Variants in ZC3H14 observed in about 807,000 individuals in gnomAD.
ZC3H14 encodes the protein zinc finger CCCH domain-containing protein 14.
Under a neutral mutation model 92.4 loss-of-function variants are expected in ZC3H14, and 31 were observed. That is an observed-to-expected ratio of 0.34 (90% CI 0.25 to 0.45). The LOEUF (loss-of-function observed/expected upper bound fraction) is 0.45, where lower values mean the gene tolerates loss of function less well. Among genes scored for constraint, ZC3H14 ranks in the 20% least tolerant of loss-of-function variants. ZC3H14 has a pLI of 1.00. For missense variants in ZC3H14, 781 were observed against 897.3 expected, an observed-to-expected ratio of 0.87 and a Z score of 1.66; for synonymous variants, 321 against 300.9, an observed-to-expected ratio of 1.07 and a Z score of -0.69.
Position 88,577,972 on chromosome 14 carries a change from T to C in ZC3H14, c.1124-13T>C. On this transcript the variant is annotated splice_polypyrimidine_tract_variant and intron_variant, in intron 8 of 16. Coordinates refer to ENST00000251038, the MANE Select transcript of ZC3H14 (RefSeq NM_024824.5). The stretch of plus-strand genomic sequence containing the variant: ...GCATTTGTATTTCTATCTTTTTTGC[T>C]TTTATGTGAAAGTTCCACAGAAACA... The C allele has an allele frequency of 6.2e-7, 1 of 1,614,122 alleles. No homozygotes were observed. Among genetic ancestry groups the C allele is most frequent in the Non-Finnish European group, 8.5e-7 (1 of 1,180,004 alleles).
rs1427908963 is a variant in ZC3H14, at chr14:88,627,171, C to T, written c.*15420C>T. The T allele has an allele frequency of 3.6e-6, 3 of 831,242 alleles. No homozygotes were observed. Among genetic ancestry groups the T allele is most frequent in the Non-Finnish European group, 5.8e-6 (3 of 518,526 alleles). The allele number at this position is 831,242 out of a possible 1,614,324, so 51.5% of individuals were successfully genotyped here. A position where few individuals can be genotyped will look rare whatever the true frequency, so the allele number is the denominator to read the frequency against. On this transcript the variant is annotated 3_prime_UTR_variant, in exon 17 of 17. Transcript: ENST00000251038. Reference sequence around the variant, plus strand: ...TTAGAAGAGAGGCCAATGGCCCCTGCTCTACTACCTAGCAATACATGATTT... The same window carrying T: ...TTAGAAGAGAGGCCAATGGCCCCTGTTCTACTACCTAGCAATACATGATTT...
At position 88,618,913 on chromosome 14, in the gene ZC3H14, A is replaced by T; in HGVS notation, c.*7162A>T. On this transcript the variant is annotated 3_prime_UTR_variant, in exon 17 of 17. Transcript: ENST00000251038. Reference sequence around the variant, plus strand: ...TTCTAGTTCTTAAAAGTAACGTGTGATAAGGCCTCAAATAGATTTACCTGT... The same window carrying T: ...TTCTAGTTCTTAAAAGTAACGTGTGTTAAGGCCTCAAATAGATTTACCTGT... The T allele has an allele frequency of 8.3e-7, 1 of 1,201,010 alleles. No individual in the cohort carries two copies. The highest frequency in any genetic ancestry group is 2.7e-5 in the Admixed American group (1 of 36,390). The allele number at this position is 1,201,010 out of a possible 1,614,324, so 74.4% of individuals were successfully genotyped here. A position where few individuals can be genotyped will look rare whatever the true frequency, so the allele number is the denominator to read the frequency against.
At chr14:88,578,825 C>T (rs1017733117) in intron 9 of ZC3H14, among the ~76,000 whole-genome samples, 11 of 116,296 alleles carry the variant, frequency 9.5e-5, no homozygotes, top group African/African-American at 3.2e-4. Context: ...TCAGCTTTCT[C>T]CCCCAATTCC....
chr14:88,565,435 C>A (rs2079437656), intron 2 of ZC3H14, among the ~76,000 whole-genome samples: 1 of 152,166 alleles, frequency 6.6e-6, no homozygotes, highest in African/African-American at 2.4e-5. Context: ...GCCACTGCAT[C>A]CGGCCAACTC....
chr14:88,609,883 C>A, intron 15 of ZC3H14, 80 bp downstream of exon 15: 1 of 1,454,376 alleles, frequency 6.9e-7, no homozygotes, highest in South Asian at 1.2e-5. Flanking sequence ...GTCAGAGTTA[C>A]TACATTGGTG....
chr14:88,605,890 T>C (rs2085323922), intron 12 of ZC3H14, among the ~76,000 whole-genome samples: 1 of 152,198 alleles, frequency 6.6e-6, no homozygotes, highest in Admixed American at 6.5e-5. Flanking sequence ...AAGGAAGACA[T>C]TATTTTCTCT....
chr14:88,605,295 G>A (rs2140095173), intron 12 of ZC3H14, among the ~76,000 whole-genome samples: 1 of 152,272 alleles, frequency 6.6e-6, no homozygotes, highest in Non-Finnish European at 1.5e-5. Context: ...CATTTTCTTT[G>A]GAACCGATTA....
intron 9 of ZC3H14, chr14:88,595,063 A>G (rs765907436): frequency 2.5e-6 from 4 of 1,613,362 alleles, no homozygotes; most frequent in Non-Finnish European, 3.4e-6. Flanking sequence ...ATCACAGTCA[A>G]GAACTACTGA....
At chr14:88,600,302 A>C (rs76330537) in intron 10 of ZC3H14, among the ~76,000 whole-genome samples, 2,269 of 152,318 alleles carry the variant, frequency 0.015, 53 homozygotes, top group African/African-American at 0.051. Flanking sequence ...ACAGCAGAGA[A>C]TCTTTTCATT....
chr14:88,609,372 T>C lies in ZC3H14; in HGVS notation c.1974T>C (p.Ser658=), dbSNP rs370138592. 10 of 1,614,040 alleles carry C rather than the reference T, an allele frequency of 6.2e-6. No homozygotes were observed. The highest frequency in any genetic ancestry group is 4.0e-5 in the African/African-American group (3 of 75,032). ...TKPDCPFTHV[S]RRIPVLSPKP... ...CAGATTGTCCCTTCACTCATGTGAG[T>C]AGAAGAATTCCAGTACTGTCTCCAA... The change falls in exon 14 of 17, where the codon AGT becomes AGC. Residue 658 remains serine (S), a synonymous_variant. Transcript: ENST00000251038.
At chr14:88,568,857 A>G (rs182929150) in intron 3 of ZC3H14, among the ~76,000 whole-genome samples, 1 of 152,284 alleles carries the variant, frequency 6.6e-6, no homozygotes, top group Admixed American at 6.5e-5. Context: ...TATGTCGGCT[A>G]TACTTAATAT....
At chr14:88,563,967 C>CTCTCTCTCAT (rs2079229949) in intron 2 of ZC3H14, among the ~76,000 whole-genome samples, 1 of 151,944 alleles carries the variant, frequency 6.6e-6, no homozygotes, top group Middle Eastern at 3.2e-3. Context: ...CCTATTCTCT[C>CTCTCTCTCAT]TCTCTCTCAT....
chr14:88,581,056 A>G (rs1359128548), intron 9 of ZC3H14, among the ~76,000 whole-genome samples: 1 of 152,248 alleles, frequency 6.6e-6, no homozygotes, highest in Non-Finnish European at 1.5e-5. Context: ...AACTTTTCTT[A>G]GGAAATCTAA....
chr14:88,570,456 G>A (rs532356279), intron 3 of ZC3H14, among the ~76,000 whole-genome samples: 1 of 152,192 alleles, frequency 6.6e-6, no homozygotes, highest in Non-Finnish European at 1.5e-5. Flanking sequence ...AAATGATATA[G>A]CATAGTTTGA....
At chr14:88,569,562 A>G (rs1239636805) in intron 3 of ZC3H14, among the ~76,000 whole-genome samples, 1 of 152,128 alleles carries the variant, frequency 6.6e-6, no homozygotes, top group Non-Finnish European at 1.5e-5. Flanking sequence ...GAGGATAATG[A>G]TGTAGCTGAG....
Position 88,568,021 on chromosome 14 carries a change from A to G in ZC3H14, c.80-18A>G. ...TTTTGAGGAAACAAAGTTTTGATCTACCTTTCCTTTTAAATAGATGAAGAA... is the reference window on the plus strand; with the variant it reads ...TTTTGAGGAAACAAAGTTTTGATCTGCCTTTCCTTTTAAATAGATGAAGAA... On this transcript the variant is annotated intron_variant, in intron 2 of 16. Transcript: ENST00000251038. 10 of 1,605,536 alleles carry G rather than the reference A, an allele frequency of 6.2e-6. No homozygotes were observed. Among genetic ancestry groups the G allele is most frequent in the Middle Eastern group, 1.7e-4 (1 of 6,048 alleles).
Position 88,627,568 on chromosome 14 carries a change from G to A in ZC3H14, c.*15817G>A. On this transcript the variant is annotated 3_prime_UTR_variant, in exon 17 of 17. Coordinates refer to ENST00000251038, the MANE Select transcript of ZC3H14 (RefSeq NM_024824.5). Reference sequence around the variant, plus strand: ...TGATTGTTTCAACCACCAACTTTAAGACAAATATTAAATACAGAATTCCTA... The same window carrying A: ...TGATTGTTTCAACCACCAACTTTAAAACAAATATTAAATACAGAATTCCTA... 1 of 1,419,400 alleles carries A rather than the reference G, an allele frequency of 7.0e-7. No individual in the cohort carries two copies. Among genetic ancestry groups the A allele is most frequent in the Admixed American group, 2.4e-5 (1 of 41,830 alleles). 87.9% of individuals were successfully genotyped at this position (1,419,400 alleles called of 1,614,324 possible). A position where few individuals can be genotyped will look rare whatever the true frequency, so the allele number is the denominator to read the frequency against.
rs373477618 is a variant in ZC3H14, at chr14:88,563,090, A to G, written c.-44A>G. ...AGGAGTCCGCGGCAGCCTCCGGGTAAGCCAAGCGCCGCGCAGTGCTGAGTT... is the reference window on the plus strand; with the variant it reads ...AGGAGTCCGCGGCAGCCTCCGGGTAGGCCAAGCGCCGCGCAGTGCTGAGTT... On this transcript the variant is annotated 5_prime_UTR_variant, in exon 1 of 17. Transcript: ENST00000251038. 47 of 1,561,698 alleles carry G rather than the reference A, an allele frequency of 3.0e-5. No individual in the cohort carries two copies. The highest frequency in any genetic ancestry group is 3.9e-5 in the Non-Finnish European group (45 of 1,160,480).
At chr14:88,570,009 A>AT (rs144415787) in intron 3 of ZC3H14, among the ~76,000 whole-genome samples, 2 of 151,224 alleles carry the variant, frequency 1.3e-5, no homozygotes, top group South Asian at 2.1e-4. Context: ...TGTGAGTACT[A>AT]TTTTTTTTTC....
Sources: allele counts gnomAD v4.1 joint callset (sites outside exome capture counted in the v4.1 genomes callset), GRCh38; gene constraint gnomAD v4.1.1; transcripts MANE v1.5; gene names NCBI Gene and HGNC (gene_info 2026-07-23, HGNC 2026-07-21).